FANCD2: variants seen among roughly 807,000 people sequenced by gnomAD.
FANCD2 encodes the protein Fanconi anemia group D2 protein.
FANCD2 carries 131 observed loss-of-function variants against 192.3 expected under a neutral mutation model. The ratio of observed to expected loss-of-function variants is 0.68; its 90% CI spans 0.59 to 0.79. FANCD2 has a LOEUF of 0.79. Ranked by LOEUF, FANCD2 falls within the 30% of genes least tolerant of loss-of-function variation. The pLI is 0.00. For missense variants in FANCD2, 1,508 were observed against 1,701.6 expected, an observed-to-expected ratio of 0.89 and a Z score of 2.00; for synonymous variants, 524 against 612.5, an observed-to-expected ratio of 0.86 and a Z score of 2.13.
intron 2 of FANCD2, among the ~76,000 whole-genome samples, chr3:10,030,095 CA>C (rs1399475123): frequency 7.8e-5 from 7 of 89,336 alleles, no homozygotes; most frequent in African/African-American, 2.4e-4. Flanking sequence ...CCCATTATAT[CA>C]TTTTTTTTTT....
intron 26 of FANCD2, among the ~76,000 whole-genome samples, chr3:10,070,509 G>GCTCAGCCCCCCGCCC (rs1693164267): frequency 1.2e-5 from 1 of 83,608 alleles, no homozygotes; most frequent in African/African-American, 7.3e-5. Context: ...GAGGTGGGGG[G>GCTCAGCCCCCCGCCC]GGTCAGCCCC....
Position 10,043,147 on chromosome 3 carries a change from C to G in FANCD2, c.986C>G (p.Ala329Gly), listed in dbSNP as rs116736407. The change falls in exon 12 of 44, where the codon GCA becomes GGA. Residue 329 changes from alanine to glycine, a missense_variant. By Grantham distance (60) the Ala-to-Gly change is moderately conservative (BLOSUM62 0). This residue lies in a region of FANCD2 where 435 missense variants were observed against 421.9 expected (regional missense o/e 1.03). Coordinates refer to ENST00000675286, the MANE Select transcript of FANCD2 (RefSeq NM_001018115.3). ...GTAAAGTTGAAAAGTAAAGGACGAG[C>G]AAGGTAAAGAGCTCATCCTCACACA... ...SQVKLKSKGRASSSGNQESSG... is the reference protein window; with the variant it reads ...SQVKLKSKGRGSSSGNQESSG... 1.9e-4 allele frequency: 308 copies of G among 1,613,496 alleles called. No individual in the cohort carries two copies. In the African/African-American group the frequency reaches 3.8e-3, roughly 20 times the overall value.
chr3:10,034,175 GAAACA>G, intron 3 of FANCD2, among the ~76,000 whole-genome samples: 1 of 148,550 alleles, frequency 6.7e-6, no homozygotes, highest in Non-Finnish European at 1.5e-5. Context: ...TACAAAAAAC[GAAACA>G]AAACAAAAAA....
At chr3:10,077,554 CA>C (rs973431757) in intron 29 of FANCD2, among the ~76,000 whole-genome samples, 10 of 142,116 alleles carry the variant, frequency 7.0e-5, no homozygotes, top group Middle Eastern at 3.3e-3. Context: ...GACTCTGTCT[CA>C]AAAAAAAAAT....
At chr3:10,071,632 T>C (rs1013596175) in intron 26 of FANCD2, among the ~76,000 whole-genome samples, 3 of 152,178 alleles carry the variant, frequency 2.0e-5, no homozygotes, top group African/African-American at 7.2e-5. Flanking sequence ...TAAAATAATT[T>C]AACTCATGGA....
Position 10,060,410 on chromosome 3 carries a change from G to T in FANCD2, c.1766+7G>T, listed in dbSNP as rs563561289. 4 of 1,603,178 alleles carry T rather than the reference G, an allele frequency of 2.5e-6. 1 individual carries two copies. The African/African-American group carries it at 5.4e-5, about 21-fold the overall frequency. ...GCATCATGGCGGCAGACAGGTACAC[G>T]TGGAGATTCTGACTTCTGTGGTTTA... On this transcript the variant is annotated splice_region_variant and intron_variant, in intron 19 of 43. Transcript: ENST00000675286.
At chr3:10,078,361 T>C (rs1362534883) in intron 30 of FANCD2, among the ~76,000 whole-genome samples, 164 bp downstream of exon 30, 2 of 152,036 alleles carry the variant, frequency 1.3e-5, no homozygotes, top group African/African-American at 2.4e-5. Context: ...TATTTATTTA[T>C]TTATTTATTT....
At chr3:10,095,136 G>T in intron 40 of FANCD2, 64 bp from the exon 41 acceptor site, 3 of 1,336,662 alleles carry the variant, frequency 2.2e-6, no homozygotes, top group East Asian at 2.3e-5. Flanking sequence ...GATTGCAAGG[G>T]TATCTTGAAT....
At chr3:10,095,170 A>G (rs2125092537) in intron 40 of FANCD2, 30 bp from the exon 41 acceptor site, 2 of 1,571,010 alleles carry the variant, frequency 1.3e-6, no homozygotes, top group African/African-American at 1.3e-5. Context: ...AGGACATTTC[A>G]TAGAGCATTT....
chr3:10,079,546 C>T (rs1265292518), intron 30 of FANCD2, among the ~76,000 whole-genome samples: 2 of 151,876 alleles, frequency 1.3e-5, no homozygotes, highest in African/African-American at 2.4e-5. Flanking sequence ...CCTCATGATC[C>T]GCCCACCTCG....
intron 7 of FANCD2, 72 bp downstream of exon 7, chr3:10,036,411 A>C: frequency 8.6e-7 from 1 of 1,157,506 alleles, no homozygotes; most frequent in Non-Finnish European, 1.3e-6. Flanking sequence ...GGTTACTCTG[A>C]AAACTATTGG....
intron 25 of FANCD2, 143 bp from the exon 26 acceptor site, chr3:10,067,066 C>A: frequency 1.5e-6 from 1 of 660,942 alleles, no homozygotes; most frequent in Non-Finnish European, 2.7e-6. Context: ...TTTCTGTATA[C>A]CACGTTGTTG....
intron 37 of FANCD2, among the ~76,000 whole-genome samples, chr3:10,090,738 G>T (rs1365838955): frequency 6.6e-6 from 1 of 152,110 alleles, no homozygotes; most frequent in African/African-American, 2.4e-5. Context: ...GATTACAGAC[G>T]TGCGCCACTG....
intron 18 of FANCD2, 75 bp from the exon 19 acceptor site, chr3:10,060,219 A>C (rs985854527): frequency 2.0e-6 from 2 of 990,318 alleles, no homozygotes; most frequent in African/African-American, 1.6e-5. Flanking sequence ...TAGTCTAGCT[A>C]TATGGCTCGA....
intron 19 of FANCD2, among the ~76,000 whole-genome samples, chr3:10,061,423 G>A (rs2087564406): frequency 6.6e-6 from 1 of 152,212 alleles, no homozygotes; most frequent in Non-Finnish European, 1.5e-5. Flanking sequence ...TGCAACTCTA[G>A]TTAAGAGTTC....
chr3:10,065,362 G>T (rs187832940), intron 23 of FANCD2, 32 bp from the exon 24 acceptor site: 3 of 1,396,402 alleles, frequency 2.1e-6, no homozygotes, highest in African/African-American at 2.8e-5. Flanking sequence ...CACCTATGAA[G>T]TGTGGTCTAG....
rs1343916595 is a variant in FANCD2, at chr3:10,085,852, T to A, written c.3265T>A (p.Ser1089Thr). 1 of 1,613,872 alleles carries A rather than the reference T, an allele frequency of 6.2e-7. No homozygotes were observed. Among genetic ancestry groups the A allele is most frequent in the East Asian group, 2.2e-5 (1 of 44,870 alleles). ...ACCTGAAAATCAGAATTTACTGTAT[T>A]CAGCCCTCCATGTCCTTAGTAGCCG... ...SQPENQNLLY[S>T]ALHVLSSRLK... Residue 1089 changes from serine (S) to threonine (T), a missense_variant, in exon 33 of 44, where the codon TCA (serine) becomes ACA (threonine). Transcript: ENST00000675286.
intron 16 of FANCD2, among the ~76,000 whole-genome samples, chr3:10,048,625 A>G (rs1432268413): frequency 7.2e-5 from 11 of 152,208 alleles, no homozygotes; most frequent in South Asian, 4.1e-4. Context: ...TTAATAGCAT[A>G]TATCCAGAGA....
intron 26 of FANCD2, among the ~76,000 whole-genome samples, chr3:10,069,634 G>C (rs369536972): frequency 2.6e-5 from 4 of 151,900 alleles, no homozygotes; most frequent in Admixed American, 6.6e-5. Context: ...ACTGGTTTTC[G>C]TACTTTTTTG....
Sources: allele counts gnomAD v4.1 joint callset (sites outside exome capture counted in the v4.1 genomes callset), GRCh38; gene constraint gnomAD v4.1.1; regional missense constraint gnomAD v4.1.1; transcripts MANE v1.5; gene names NCBI Gene and HGNC (gene_info 2026-07-23, HGNC 2026-07-21).